The following MN1 variants were observed in gnomAD, a reference collection of about 807,000 sequenced individuals.
MN1 encodes MN1 proto-oncogene, transcriptional regulator.
Under a neutral mutation model 86.9 loss-of-function variants are expected in MN1, and 19 were observed. That is an observed-to-expected ratio of 0.22 (90% CI 0.15 to 0.32). The LOEUF (loss-of-function observed/expected upper bound fraction) is 0.32, where lower values mean the gene tolerates loss of function less well. Ranked by LOEUF, MN1 falls within the 10% of genes least tolerant of loss-of-function variation. MN1 has a pLI of 1.00. For missense variants in MN1, 1,841 were observed against 1,862.0 expected (o/e 0.99, Z 0.21); for synonymous variants, 928 against 849.6 (o/e 1.09, Z -1.60).
chr22:27,749,897 C>T lies in MN1; in HGVS notation c.*1018G>A, dbSNP rs1038390090. On this transcript the variant is annotated 3_prime_UTR_variant, in exon 2 of 2. Coordinates refer to ENST00000302326, the MANE Select transcript of MN1 (RefSeq NM_002430.3). ...TCCCCTCCTTCTTCCCTGGGATGCC[C>T]GGCCAGGAACAGCTTTCAGAAAAGG... 4.8e-5 allele frequency: 11 copies of T among 230,252 alleles called. No homozygotes were observed. Among genetic ancestry groups the T allele is most frequent in the South Asian group, 1.8e-4 (1 of 5,496 alleles). 14.3% of individuals were successfully genotyped at this position (230,252 alleles called of 1,614,324 possible).
rs754816947 is a variant in MN1, at chr22:27,796,848, G to A, written c.3696C>T (p.Asp1232=). ...CGTCCGCGCTGTCCACCAGGGCCTT[G>A]TCAGCGGGCATGTACCAGGCAGCGC... ...EHSAAWYMPA[D]KALVDSADDD... Residue 1232 remains aspartate, a synonymous_variant, in exon 1 of 2, where the codon GAC becomes GAT. Transcript: ENST00000302326. The A allele has an allele frequency of 6.2e-7, 1 of 1,612,956 alleles. No homozygotes were observed. Among genetic ancestry groups the A allele is most frequent in the Non-Finnish European group, 8.5e-7 (1 of 1,180,014 alleles).
intron 1 of MN1, among the ~76,000 whole-genome samples, chr22:27,765,583 A>G (rs1369103691): frequency 6.6e-6 from 1 of 152,248 alleles, no homozygotes. Context: ...CCTGCCCAGC[A>G]AACAGCAGCT....
intron 1 of MN1, among the ~76,000 whole-genome samples, chr22:27,775,629 TC>T (rs2146304008): frequency 6.6e-6 from 1 of 152,032 alleles, no homozygotes; most frequent in East Asian, 1.9e-4. Flanking sequence ...GAACCAAAAC[TC>T]CCGCTTCACA....
intron 1 of MN1, among the ~76,000 whole-genome samples, chr22:27,771,396 T>C (rs1188440086): frequency 6.6e-6 from 1 of 151,752 alleles, no homozygotes; most frequent in African/African-American, 2.4e-5. Context: ...CTTGGCTAAT[T>C]TTTTATAGAG....
At chr22:27,758,675 C>T (rs1197699774) in intron 1 of MN1, among the ~76,000 whole-genome samples, 2 of 152,208 alleles carry the variant, frequency 1.3e-5, no homozygotes, top group Admixed American at 1.3e-4. Flanking sequence ...CCTCTCCGAG[C>T]CTCACCTTTC....
At chr22:27,786,853 C>T (rs1933141363) in intron 1 of MN1, among the ~76,000 whole-genome samples, 1 of 152,122 alleles carries the variant, frequency 6.6e-6, no homozygotes, top group African/African-American at 2.4e-5. Context: ...CACACACACA[C>T]ACACACACAC....
At position 27,800,624 on chromosome 22, in the gene MN1, A is replaced by C; in HGVS notation, c.-81T>G. ...GCGCCTCCGGCCAGCTACTCGTTCCAGCCCAGGATTGGGCGCTCCGGGACG... is the reference window on the plus strand; with the variant it reads ...GCGCCTCCGGCCAGCTACTCGTTCCCGCCCAGGATTGGGCGCTCCGGGACG... On this transcript the variant is annotated 5_prime_UTR_variant, in exon 1 of 2. Transcript: ENST00000302326. 2 of 1,596,336 alleles carry C rather than the reference A, an allele frequency of 1.3e-6. No individual in the cohort carries two copies. The highest frequency in any genetic ancestry group is 1.7e-6 in the Non-Finnish European group (2 of 1,174,948).
In MN1 at chr22:27,796,894, T is replaced by G. The variant is rs1250930278; in HGVS notation, c.3650A>C (p.Asp1217Ala). Residue 1217 changes from aspartate to alanine, a missense_variant, in exon 1 of 2, where the codon GAC becomes GCC. By Grantham distance (126) the Asp-to-Ala change is moderately radical (BLOSUM62 -2). Transcript: ENST00000302326. ...AGCGCTGTGCTCTGCCATCAGCGAG[T>G]CCAGGTCAATGGTGCTCATGGCGCT... is the stretch of plus-strand genomic sequence containing the variant. ...VKSAMSTIDL[D>A]SLMAEHSAAW... 6.8e-6 allele frequency: 11 copies of G among 1,613,040 alleles called. No individual in the cohort carries two copies.
At chr22:27,772,683 C>G (rs565005395) in intron 1 of MN1, among the ~76,000 whole-genome samples, 1 of 152,126 alleles carries the variant, frequency 6.6e-6, no homozygotes, top group East Asian at 1.9e-4. Flanking sequence ...TGATCTCTCA[C>G]GCAGCTGCGC....
chr22:27,798,246 G>A lies in MN1; in HGVS notation c.2298C>T (p.Pro766=). ...TGCCACCGCCCCCTCCCGCGCTGGG[G>A]GGCGAGTTCACGCCTGGACCGCTGT... is the stretch of plus-strand genomic sequence containing the variant. ...TPHSGPGVNS[P]PSAGGGGGSS... is the part of the protein sequence containing the mutation. Residue 766 remains proline (P), a synonymous_variant, in exon 1 of 2, where the codon CCC becomes CCT. Transcript: ENST00000302326. 6.6e-7 allele frequency: 1 copy of A among 1,517,492 alleles called. No homozygotes were observed. Among genetic ancestry groups the A allele is most frequent in the Non-Finnish European group, 8.7e-7 (1 of 1,143,214 alleles). The allele number at this position is 1,517,492 out of a possible 1,614,324, so 94.0% of individuals were successfully genotyped here.
Position 27,777,546 on chromosome 22 carries a change from AAAGAG to A in MN1, c.3781+19212_3781+19216del, listed in dbSNP as rs1314495562. ...AGACCTTGTTTCTAAAAAAAAAAAA[AAAGAG>A]AGAGAGAAAAAAAAAATAAAAGTCC... On this transcript the variant is annotated intron_variant, in intron 1 of 1. Coordinates refer to ENST00000302326, the MANE Select transcript of MN1 (RefSeq NM_002430.3). Among the ~76,000 whole-genome samples, 442 of 150,740 alleles carry A rather than the reference AAAGAG, an allele frequency of 2.9e-3. 4 individuals carry two copies. The highest frequency in any genetic ancestry group is 0.01 in the African/African-American group (413 of 40,878).
rs1414325313 is a variant in MN1, at chr22:27,801,563, G to C, written c.-1020C>G. 6.0e-6 allele frequency: 1 copy of C among 166,824 alleles called. No homozygotes were observed. Among genetic ancestry groups the C allele is most frequent in the East Asian group, 1.1e-4 (1 of 8,854 alleles). The allele number at this position is 166,824 out of a possible 1,614,324, so 10.3% of individuals were successfully genotyped here. A position where few individuals can be genotyped will look rare whatever the true frequency, so the allele number is the denominator to read the frequency against. The stretch of plus-strand genomic sequence containing the variant: ...GGGCGTACGCGGGTCGGGGGGCCAC[G>C]CCGGGCGAGCAGGCTAAGGCGTTCC... On this transcript the variant is annotated 5_prime_UTR_variant, in exon 1 of 2. Coordinates refer to ENST00000302326, the MANE Select transcript of MN1 (RefSeq NM_002430.3).
chr22:27,770,335 C>T (rs1932903753), intron 1 of MN1, among the ~76,000 whole-genome samples: 1 of 152,186 alleles, frequency 6.6e-6, no homozygotes, highest in African/African-American at 2.4e-5. Context: ...GCAGCCATTT[C>T]CAGGTTGAAA....
In MN1 at chr22:27,797,412, G is replaced by T; in HGVS notation, c.3132C>A (p.Phe1044Leu). The T allele has an allele frequency of 6.2e-7, 1 of 1,611,632 alleles. No homozygotes were observed. The highest frequency in any genetic ancestry group is 8.5e-7 in the Non-Finnish European group (1 of 1,179,568). The change falls in exon 1 of 2, where the codon TTC becomes TTA. Residue 1044 changes from phenylalanine to leucine, a missense_variant. Coordinates refer to ENST00000302326, the MANE Select transcript of MN1 (RefSeq NM_002430.3). ...SDSSSPNVGE[F>L]ASDEVSTSYA... The stretch of plus-strand genomic sequence containing the variant: ...AGCTCGTGCTCACCTCGTCCGAGGC[G>T]AACTCACCCACGTTTGGCGAACTAC...
At chr22:27,755,303 CA>C (rs1670813559) in intron 1 of MN1, among the ~76,000 whole-genome samples, 1 of 152,168 alleles carries the variant, frequency 6.6e-6, no homozygotes, top group East Asian at 1.9e-4. Context: ...CTGGCAATAC[CA>C]TGTGCATGTT....
intron 1 of MN1, among the ~76,000 whole-genome samples, chr22:27,789,732 G>C (rs1933186110): frequency 1.3e-5 from 2 of 152,228 alleles, no homozygotes; most frequent in African/African-American, 4.8e-5. Context: ...CAAACTGCTA[G>C]ATTCAGTTGC....
intron 1 of MN1, among the ~76,000 whole-genome samples, chr22:27,795,926 C>A (rs1036668552): frequency 6.6e-6 from 1 of 152,054 alleles, no homozygotes; most frequent in African/African-American, 2.4e-5. Context: ...AGAATGCAAA[C>A]GAAAGCTGGG....
intron 1 of MN1, among the ~76,000 whole-genome samples, chr22:27,769,597 GGCTGGAGTGCAGTGGC>G (rs1194043084): frequency 3.1e-4 from 34 of 110,508 alleles, no homozygotes; most frequent in African/African-American, 1.2e-3. Context: ...CTGTCACCCA[GGCTGGAGTGCAGTGGC>G]GCAATCTCGG....
chr22:27,797,861 C>T lies in MN1; in HGVS notation c.2683G>A (p.Gly895Arg). 1 of 1,584,736 alleles carries T rather than the reference C, an allele frequency of 6.3e-7. No individual in the cohort carries two copies. The highest frequency in any genetic ancestry group is 8.6e-7 in the Non-Finnish European group (1 of 1,167,364). ...GCTTTGGAGCCGCTGCTACTGGTCC[C>T]GGACGGGCCTCCGGGTCCTGGGGCC... ...PGAPGPGGPS[G>R]TSSSGSKASG... Residue 895 changes from glycine (G) to arginine (R), a missense_variant, in exon 1 of 2, where the codon GGG becomes AGG. Gly to Arg is a moderately radical substitution (Grantham distance 125). Coordinates refer to ENST00000302326, the MANE Select transcript of MN1 (RefSeq NM_002430.3).
Sources: allele counts gnomAD v4.1 joint callset (sites outside exome capture counted in the v4.1 genomes callset), GRCh38; gene constraint gnomAD v4.1.1; transcripts MANE v1.5; gene names NCBI Gene and HGNC (gene_info 2026-07-23, HGNC 2026-07-21).